SEL1L3: variants seen among roughly 807,000 people sequenced by gnomAD.
SEL1L3 encodes SEL1L family member 3.
A neutral mutation model predicts 142.8 loss-of-function variants in SEL1L3; 76 were observed. The observed-to-expected ratio is 0.53, with a 90% CI of 0.44 to 0.64. The LOEUF (loss-of-function observed/expected upper bound fraction) is 0.64. Ranked by LOEUF, SEL1L3 falls within the 30% of genes least tolerant of loss-of-function variation. SEL1L3 has a pLI of 0.00. For synonymous variants in SEL1L3, 504 were observed against 519.6 expected, an observed-to-expected ratio of 0.97 and a Z score of 0.41; for missense variants, 1,262 against 1,381.7, an observed-to-expected ratio of 0.91 and a Z score of 1.37.
At chr4:25,752,762 A>G (rs1218065430) in intron 23 of SEL1L3, among the ~76,000 whole-genome samples, 1 of 152,172 alleles carries the variant, frequency 6.6e-6, no homozygotes, top group Non-Finnish European at 1.5e-5. Flanking sequence ...CTGGAATTAC[A>G]GGCATGCACC....
At chr4:25,859,143 G>C (rs1577708879) in intron 1 of SEL1L3, among the ~76,000 whole-genome samples, 1 of 152,260 alleles carries the variant, frequency 6.6e-6, no homozygotes, top group Admixed American at 6.5e-5. Context: ...GAAGGTAAGA[G>C]TTAATGGTGT....
At chr4:25,776,586 A>G in intron 16 of SEL1L3, 1 of 491,430 alleles carries the variant, frequency 2.0e-6, no homozygotes, top group South Asian at 2.4e-5. Context: ...TTATGGAAAC[A>G]AAGACATGTA....
Position 25,822,092 on chromosome 4 carries a change from C to T in SEL1L3, c.1194G>A (p.Gly398=). The T allele has an allele frequency of 6.2e-7, 1 of 1,613,780 alleles. No individual in the cohort carries two copies. Among genetic ancestry groups the T allele is most frequent in the East Asian group, 2.2e-5 (1 of 44,878 alleles). The change falls in exon 7 of 24, where the codon GGG becomes GGA. Residue 398 remains glycine (G), a synonymous_variant. Coordinates refer to ENST00000399878, the MANE Select transcript of SEL1L3 (RefSeq NM_015187.5). ...REDFHYNDTA[G]YFIIGGSRYV... ...ACCTGCTCCCTCCAATAATGAAGTA[C>T]CCAGCTGTGTCATTATAATGGAAAT...
chr4:25,783,690 C>G (rs1359712454), intron 14 of SEL1L3, among the ~76,000 whole-genome samples: 1 of 152,206 alleles, frequency 6.6e-6, no homozygotes, highest in Non-Finnish European at 1.5e-5. Context: ...AACCTCCATT[C>G]TGTAGAGCTG....
intron 23 of SEL1L3, among the ~76,000 whole-genome samples, chr4:25,754,598 T>C (rs1405758873): frequency 6.6e-6 from 1 of 151,990 alleles, no homozygotes; most frequent in Non-Finnish European, 1.5e-5. Flanking sequence ...GGAGTTTTTT[T>C]CTTTTTCTTT....
the SEL1L3 span, among the ~76,000 whole-genome samples, chr4:25,726,063 C>A: frequency 6.6e-6 from 1 of 152,030 alleles, no homozygotes; most frequent in Admixed American, 6.6e-5. Flanking sequence ...TTTTACCTTG[C>A]CCCTATTCAA....
At chr4:25,795,091 T>C (rs1482925874) in intron 11 of SEL1L3, among the ~76,000 whole-genome samples, 1 of 152,056 alleles carries the variant, frequency 6.6e-6, no homozygotes, top group Admixed American at 6.5e-5. Flanking sequence ...GGAAAAATAG[T>C]GAATGTATGC....
intron 16 of SEL1L3, chr4:25,777,977 C>G: frequency 2.5e-6 from 1 of 395,392 alleles, no homozygotes; most frequent in Admixed American, 3.0e-5. Context: ...TGTTTTATAA[C>G]TCCTCAAGAA....
intron 11 of SEL1L3, among the ~76,000 whole-genome samples, chr4:25,796,009 C>G (rs1712715507): frequency 6.6e-6 from 1 of 151,974 alleles, no homozygotes; most frequent in Non-Finnish European, 1.5e-5. Context: ...CCAGCCTGAC[C>G]AGTTCTGGGA....
the SEL1L3 span, among the ~76,000 whole-genome samples, chr4:25,731,801 A>C: frequency 6.6e-6 from 1 of 152,130 alleles, no homozygotes; most frequent in Non-Finnish European, 1.5e-5. Flanking sequence ...GGCTGGGTGC[A>C]GTGGCTCATG....
the SEL1L3 span, among the ~76,000 whole-genome samples, chr4:25,737,889 C>T: frequency 1.7e-5 from 2 of 116,764 alleles, no homozygotes; most frequent in Non-Finnish European, 2.0e-5. Flanking sequence ...AATACAGTTG[C>T]CTTTTTTTTT....
At chr4:25,834,662 T>C (rs371066343) in intron 3 of SEL1L3, among the ~76,000 whole-genome samples, 23 of 152,284 alleles carry the variant, frequency 1.5e-4, no homozygotes, top group African/African-American at 5.3e-4. Context: ...GTAAAGTGAC[T>C]CAAGATCTTT....
intron 23 of SEL1L3, among the ~76,000 whole-genome samples, chr4:25,753,151 A>G (rs1369416448): frequency 6.6e-6 from 1 of 152,276 alleles, no homozygotes; most frequent in East Asian, 1.9e-4. Flanking sequence ...TTCTGAATGC[A>G]GGACAATTTA....
chr4:25,847,970 A>C (rs1464416099), intron 1 of SEL1L3, 106 bp from the exon 2 acceptor site: 1 of 737,420 alleles, frequency 1.4e-6, no homozygotes, highest in African/African-American at 1.8e-5. Flanking sequence ...ATCAATCTAC[A>C]TAAAGCAATG....
chr4:25,780,807 A>T (rs1010857349), intron 15 of SEL1L3, among the ~76,000 whole-genome samples: 3 of 134,800 alleles, frequency 2.2e-5, no homozygotes, highest in African/African-American at 8.7e-5. Context: ...AATATATATA[A>T]ATAATATATA....
chr4:25,834,438 C>T (rs1715656299), intron 3 of SEL1L3, among the ~76,000 whole-genome samples: 1 of 152,190 alleles, frequency 6.6e-6, no homozygotes, highest in Non-Finnish European at 1.5e-5. Flanking sequence ...TTCATTTACC[C>T]CAGTAACCAA....
intron 9 of SEL1L3, among the ~76,000 whole-genome samples, chr4:25,815,013 A>G (rs4692253): frequency 0.49 from 75,101 of 151,910 alleles, 20,991 homozygotes; most frequent in African/African-American, 0.76. Flanking sequence ...AATGGGGCCC[A>G]GGGCTTGGTT....
At position 25,748,280 on chromosome 4, in the gene SEL1L3, TAA is replaced by T; in HGVS notation, c.*143_*144del. 1.3e-6 allele frequency: 1 copy of T among 765,662 alleles called. No individual in the cohort carries two copies. 47.4% of individuals were successfully genotyped at this position (765,662 alleles called of 1,614,324 possible). A position where few individuals can be genotyped will look rare whatever the true frequency, so the allele number is the denominator to read the frequency against. ...TGGGTACTTCCTTGTAATTTGACTT[TAA>T]AAAAAATGACACCAATTGCAAAATT... On this transcript the variant is annotated 3_prime_UTR_variant, in exon 24 of 24. Coordinates refer to ENST00000399878, the MANE Select transcript of SEL1L3 (RefSeq NM_015187.5).
intron 21 of SEL1L3, among the ~76,000 whole-genome samples, chr4:25,758,241 C>T (rs1209330048): frequency 6.6e-6 from 1 of 152,164 alleles, no homozygotes; most frequent in Non-Finnish European, 1.5e-5. Context: ...GAGGCTGAGG[C>T]AGGTGGATTA....
Sources: allele counts gnomAD v4.1 joint callset (sites outside exome capture counted in the v4.1 genomes callset), GRCh38; gene constraint gnomAD v4.1.1; transcripts MANE v1.5; gene names NCBI Gene and HGNC (gene_info 2026-07-23, HGNC 2026-07-21).